Variants in CNTNAP3 observed in about 807,000 individuals in gnomAD.
CNTNAP3 encodes contactin associated protein family member 3, also known as contactin-associated protein-like 3.
In CNTNAP3, 36 loss-of-function variants were observed where a neutral mutation model predicts 92.1. That is an observed-to-expected ratio of 0.39 (90% CI 0.30 to 0.52). The LOEUF (loss-of-function observed/expected upper bound fraction) is 0.52. CNTNAP3 is among the 20% of genes least tolerant of loss of function. CNTNAP3 has a pLI of 0.76. For missense variants in CNTNAP3, 534 were observed against 1,069.6 expected, an observed-to-expected ratio of 0.50 and a Z score of 6.98; for synonymous variants, 232 against 422.3, an observed-to-expected ratio of 0.55 and a Z score of 5.53.
chr9:39,080,856 G>T (rs1385563496), intron 21 of CNTNAP3, among the ~76,000 whole-genome samples: 1 of 137,418 alleles, frequency 7.3e-6, no homozygotes, highest in Non-Finnish European at 1.6e-5. Context: ...TAGTAGAGAC[G>T]GGATTTCACC....
Position 39,250,689 on chromosome 9 carries a change from T to G in CNTNAP3, c.197-11503A>C, listed in dbSNP as rs1277645250. Among the ~76,000 whole-genome samples, 2 of 7,518 alleles carry G rather than the reference T, an allele frequency of 2.7e-4. 1 individual carries two copies. Among genetic ancestry groups the G allele is most frequent in the African/African-American group, 2.8e-4 (2 of 7,070 alleles). 4.9% of individuals were successfully genotyped at this position (7,518 alleles called of 152,430 possible). On this transcript the variant is annotated intron_variant, in intron 2 of 23. Coordinates refer to ENST00000297668, the MANE Select transcript of CNTNAP3 (RefSeq NM_033655.5). ...TCTTTGCGTAAGTAAATAAGATTAA[T>G]TTCTTTAAAATCTACATATTTCTTC...
At chr9:39,079,198 A>G (rs1284060452) in intron 21 of CNTNAP3, among the ~76,000 whole-genome samples, 1 of 152,210 alleles carries the variant, frequency 6.6e-6, no homozygotes. Context: ...GAAAGCGGTT[A>G]CATGGCATAA....
chr9:39,134,232 G>A (rs1004311255), intron 12 of CNTNAP3, among the ~76,000 whole-genome samples: 1 of 152,026 alleles, frequency 6.6e-6, no homozygotes, highest in African/African-American at 2.4e-5. Context: ...GAGAGGAAAG[G>A]TGTGATATCC....
At chr9:39,103,580 T>C (rs1829022017) in intron 16 of CNTNAP3, 164 bp downstream of exon 16, 1 of 798,782 alleles carries the variant, frequency 1.3e-6, no homozygotes, top group Non-Finnish European at 1.9e-6. Flanking sequence ...AAATCCTCTC[T>C]CCCTCTCTCA....
chr9:39,115,501 C>G (rs1402576974), intron 14 of CNTNAP3, among the ~76,000 whole-genome samples: 1 of 115,134 alleles, frequency 8.7e-6, no homozygotes, highest in Admixed American at 1.1e-4. Context: ...CCATACACAC[C>G]CCCACATTTA....
chr9:39,253,185 T>C lies in CNTNAP3; in HGVS notation c.196+13711A>G, dbSNP rs1466463620. On this transcript the variant is annotated intron_variant, in intron 2 of 23. Transcript: ENST00000297668. ...ATATATATACACACACACACACACA[T>C]ATAGTATATATTTAGTACACAGTAC... is the stretch of plus-strand genomic sequence containing the variant. Among the ~76,000 whole-genome samples, 3 of 12,070 alleles carry C rather than the reference T, an allele frequency of 2.5e-4. 1 individual carries two copies. Among genetic ancestry groups the C allele is most frequent in the African/African-American group, 3.6e-4 (3 of 8,224 alleles). 7.9% of individuals were successfully genotyped at this position (12,070 alleles called of 152,430 possible). A position where few individuals can be genotyped will look rare whatever the true frequency, so the allele number is the denominator to read the frequency against.
intron 13 of CNTNAP3, among the ~76,000 whole-genome samples, chr9:39,127,737 A>G (rs1821183553): frequency 6.6e-6 from 1 of 152,244 alleles, no homozygotes; most frequent in Non-Finnish European, 1.5e-5. Flanking sequence ...AATTTAAGTA[A>G]TTGTAACTAT....
chr9:39,089,440 C>A (rs1826140861), intron 18 of CNTNAP3, among the ~76,000 whole-genome samples: 1 of 152,126 alleles, frequency 6.6e-6, no homozygotes, highest in Non-Finnish European at 1.5e-5. Context: ...ATGGATGTGC[C>A]ACATTTTGCG....
At chr9:39,144,509 A>G (rs905110029) in intron 10 of CNTNAP3, among the ~76,000 whole-genome samples, 163 bp from the exon 11 acceptor site, 1 of 151,910 alleles carries the variant, frequency 6.6e-6, no homozygotes, top group African/African-American at 2.4e-5. Context: ...AGGTTCTCTA[A>G]TTATATTGAC....
intron 14 of CNTNAP3, among the ~76,000 whole-genome samples, chr9:39,111,227 C>T (rs1354827280): frequency 6.6e-6 from 1 of 152,086 alleles, no homozygotes; most frequent in Non-Finnish European, 1.5e-5. Flanking sequence ...CAATAAATTA[C>T]TGTTAACTAT....
At chr9:39,148,719 G>T (rs1278761441) in intron 10 of CNTNAP3, among the ~76,000 whole-genome samples, 2 of 152,042 alleles carry the variant, frequency 1.3e-5, no homozygotes, top group African/African-American at 4.8e-5. Flanking sequence ...TAGAGACGGG[G>T]TTTCACCATG....
At chr9:39,184,196 A>C (rs2778124) in intron 4 of CNTNAP3, among the ~76,000 whole-genome samples, 2 of 139,786 alleles carry the variant, frequency 1.4e-5, no homozygotes, top group African/African-American at 2.9e-5. Context: ...GGTTTAAACT[A>C]TTATAAATAA....
rs760848518 is a variant in CNTNAP3, at chr9:39,086,747, A to G, written c.3323T>C (p.Ile1108Thr). 6.2e-7 allele frequency: 1 copy of G among 1,611,084 alleles called. No homozygotes were observed. The highest frequency in any genetic ancestry group is 8.5e-7 in the Non-Finnish European group (1 of 1,179,646). The change falls in exon 20 of 24, where the codon ATT (isoleucine) becomes ACT (threonine). Residue 1108 changes from isoleucine (I) to threonine (T), a missense_variant. Coordinates refer to ENST00000297668, the MANE Select transcript of CNTNAP3 (RefSeq NM_033655.5). The stretch of plus-strand genomic sequence containing the variant: ...CATGACCACAGCTTCTTCTCTGTTA[A>G]TCTTCACTTGGTGAAGTTGCCCATC... ...MADGQLHQVK[I>T]NREEAVVMVE... is the part of the protein sequence containing the mutation.
intron 9 of CNTNAP3, chr9:39,159,304 T>C (rs1482522738): frequency 2.0e-5 from 3 of 146,826 alleles, no homozygotes; most frequent in Non-Finnish European, 3.0e-5. Context: ...AGAAACTGTG[T>C]TGGCTATTTT....
chr9:39,116,853 C>T (rs1820869980), intron 14 of CNTNAP3, among the ~76,000 whole-genome samples: 1 of 152,036 alleles, frequency 6.6e-6, no homozygotes, highest in Non-Finnish European at 1.5e-5. Flanking sequence ...CTTTTTATGC[C>T]AGATAAATAA....
intron 10 of CNTNAP3, among the ~76,000 whole-genome samples, chr9:39,146,006 C>T (rs1821689031): frequency 6.6e-6 from 1 of 150,678 alleles, no homozygotes; most frequent in South Asian, 2.1e-4. Context: ...AAAACCACTG[C>T]TGTTTGATAT....
Position 39,205,026 on chromosome 9 carries a change from T to C in CNTNAP3, c.391-11751A>G, listed in dbSNP as rs1261808060. Among the ~76,000 whole-genome samples, 2 of 77,356 alleles carry C rather than the reference T, an allele frequency of 2.6e-5. 1 individual carries two copies. The highest frequency in any genetic ancestry group is 2.1e-4 in the African/African-American group (2 of 9,658). The allele number at this position is 77,356 out of a possible 152,430, so 50.7% of individuals were successfully genotyped here. ...ATCATAGCTTATGTTTTTGAGCACT[T>C]CCCACATACTTCCTTAAGCCCTTTG... On this transcript the variant is annotated intron_variant, in intron 3 of 23. Coordinates refer to ENST00000297668, the MANE Select transcript of CNTNAP3 (RefSeq NM_033655.5).
At chr9:39,085,866 A>G (rs774157549) in intron 20 of CNTNAP3, 43 bp from the exon 21 acceptor site, 2 of 1,444,802 alleles carry the variant, frequency 1.4e-6, no homozygotes, top group Non-Finnish European at 1.9e-6. Flanking sequence ...CAGAAAGTAC[A>G]ATTTTAATGA....
intron 13 of CNTNAP3, among the ~76,000 whole-genome samples, chr9:39,122,418 C>A (rs1043863564): frequency 2.0e-5 from 3 of 151,970 alleles, no homozygotes; most frequent in African/African-American, 7.3e-5. Flanking sequence ...CCTCTTCCCG[C>A]ACCTTATCAT....
Sources: gnomAD v4.1 joint callset for allele counts (sites outside exome capture counted in the v4.1 genomes callset) on GRCh38, gnomAD v4.1.1 for gene constraint, MANE v1.5 for transcripts, NCBI Gene and HGNC (gene_info 2026-07-23, HGNC 2026-07-21) for gene names.